The following USP2 variants were observed in gnomAD, a reference collection of about 807,000 sequenced individuals.
USP2 encodes the protein ubiquitin carboxyl-terminal hydrolase 2.
A neutral mutation model predicts 72.0 loss-of-function variants in USP2; 33 were observed. The observed-to-expected ratio is 0.46, with a 90% CI of 0.35 to 0.61. USP2 has a LOEUF of 0.61. Ranked by LOEUF, USP2 falls within the 20% of genes least tolerant of loss-of-function variation. The probability of loss-of-function intolerance (pLI) is 0.01; values close to 1 mark genes in which losing one functional copy is unlikely to be tolerated. For missense variants in USP2, 691 were observed against 797.8 expected (o/e 0.87, Z 1.61); for synonymous variants, 296 against 312.5 (o/e 0.95, Z 0.56).
chr11:119,364,292 C>T (rs190636426), intron 2 of USP2: 11,124 of 651,942 alleles, frequency 0.017, 123 homozygotes, highest in Non-Finnish European at 0.019. Flanking sequence ...CTCGCCTCTA[C>T]CCCGCCCCCG....
chr11:119,380,087 T>C (rs1195008801), intron 1 of USP2, among the ~76,000 whole-genome samples: 3 of 151,798 alleles, frequency 2.0e-5, no homozygotes, highest in Non-Finnish European at 4.4e-5. Context: ...GCTAATTTTT[T>C]TGTAATTTTA....
intron 2 of USP2, chr11:119,363,851 T>C: frequency 7.8e-7 from 1 of 1,287,320 alleles, no homozygotes. Flanking sequence ...CCGCGTACCT[T>C]GGCTTTGTTG....
rs182219147 is a variant in USP2, at chr11:119,379,550, A to C, written c.-42+1923T>G. Among the ~76,000 whole-genome samples the C allele has an allele frequency of 3.0e-3, 462 of 152,334 alleles. 10 individuals carry two copies. The highest frequency in any genetic ancestry group is 0.027 in the Admixed American group (415 of 15,306). ...CATGTGCAGATAGCGAGAAGCAGAAAGGGGACTAGTACTCAGGTTTCAGTC... is the reference window on the plus strand; with the variant it reads ...CATGTGCAGATAGCGAGAAGCAGAACGGGGACTAGTACTCAGGTTTCAGTC... On this transcript the variant is annotated intron_variant, in intron 1 of 12. Coordinates refer to ENST00000260187, the MANE Select transcript of USP2 (RefSeq NM_004205.5).
intron 2 of USP2, among the ~76,000 whole-genome samples, chr11:119,368,496 C>T (rs757371433): frequency 1.1e-4 from 17 of 152,358 alleles, no homozygotes; most frequent in Middle Eastern, 3.4e-3. Context: ...CATTCAAGTC[C>T]AAAGTCCCAC....
chr11:119,373,343 C>T lies in USP2; in HGVS notation c.138G>A (p.Lys46=). ...GGACCGGCTTGAAACCAAGTTTCTCCTTCTCCAGTAAGGAGGCAGCCAGAT... is the reference window on the plus strand; with the variant it reads ...GGACCGGCTTGAAACCAAGTTTCTCTTTCTCCAGTAAGGAGGCAGCCAGAT... ...GANLAASLLE[K]EKLGFKPVPT... The change falls in exon 2 of 13, where the codon AAG becomes AAA. Residue 46 remains lysine (K), a synonymous_variant. Coordinates refer to ENST00000260187, the MANE Select transcript of USP2 (RefSeq NM_004205.5). 8.1e-6 allele frequency: 13 copies of T among 1,613,002 alleles called. No individual in the cohort carries two copies. Among genetic ancestry groups the T allele is most frequent in the Non-Finnish European group, 1.1e-5 (13 of 1,179,904 alleles).
chr11:119,359,038 G>C lies in USP2; in HGVS notation c.1158C>G (p.Asn386Lys). The C allele has an allele frequency of 6.2e-7, 1 of 1,614,024 alleles. No homozygotes were observed. Among genetic ancestry groups the C allele is most frequent in the Non-Finnish European group, 8.5e-7 (1 of 1,180,026 alleles). The change falls in exon 6 of 13, where the codon AAC (asparagine) becomes AAG (lysine). Residue 386 changes from asparagine (N) to lysine (K), a missense_variant. Asn to Lys is a moderately conservative substitution (Grantham distance 94). Coordinates refer to ENST00000260187, the MANE Select transcript of USP2 (RefSeq NM_004205.5). ...CTCTTACTTACGGAAGATGATCGAG[G>C]TTCTCAGGGTTGGACTTAGGTCTCA... ...VTLRPKSNPE[N>K]LDHLPDDEKG...
chr11:119,363,797 A>G (rs971665789), intron 2 of USP2: 14 of 1,327,644 alleles, frequency 1.1e-5, no homozygotes, highest in Non-Finnish European at 1.3e-5. Context: ...GCCAGGGAGA[A>G]GGCGGGACCC....
At chr11:119,368,553 C>T (rs1950885309) in intron 2 of USP2, among the ~76,000 whole-genome samples, 2 of 152,254 alleles carry the variant, frequency 1.3e-5, no homozygotes, top group African/African-American at 4.8e-5. Context: ...CTCCCTGTCA[C>T]TGAACAGCTG....
At chr11:119,356,953 C>A in intron 12 of USP2, 31 bp from the exon 13 acceptor site, 1 of 1,547,518 alleles carries the variant, frequency 6.5e-7, no homozygotes, top group Non-Finnish European at 8.7e-7. Flanking sequence ...CAGCCCGGAG[C>A]GGGCAGGACC....
Position 119,359,300 on chromosome 11 carries a change from T to C in USP2, c.992A>G (p.Asn331Ser), listed in dbSNP as rs762237192. The C allele has an allele frequency of 1.8e-5, 29 of 1,613,870 alleles. No homozygotes were observed. Among genetic ancestry groups the C allele is most frequent in the Middle Eastern group, 1.6e-4 (1 of 6,084 alleles). Reference sequence around the variant, plus strand: ...GAACTCAGATGGGCTCACCACATCATTGGGGGATGAAGTCCATATGGTCTG... The same window carrying C: ...GAACTCAGATGGGCTCACCACATCACTGGGGGATGAAGTCCATATGGTCTG... ...LIQTIWTSSP[N>S]DVVSPSEFKT... Residue 331 changes from asparagine (N) to serine (S), a missense_variant, in exon 5 of 13, where the codon AAT (asparagine) becomes AGT (serine). Physicochemically the swap from Asn to Ser is conservative, Grantham distance 46. Transcript: ENST00000260187.
chr11:119,358,866 G>C (rs1472538035), intron 6 of USP2, 29 bp from the exon 7 acceptor site: 1 of 1,613,112 alleles, frequency 6.2e-7, no homozygotes, highest in African/African-American at 1.3e-5. Context: ...CAACAATTGG[G>C]TCAAAGCTCA....
chr11:119,371,418 C>T (rs1208526522), intron 2 of USP2, among the ~76,000 whole-genome samples: 1 of 152,164 alleles, frequency 6.6e-6, no homozygotes, highest in Non-Finnish European at 1.5e-5. Flanking sequence ...TGACACATCT[C>T]TCTTCTCCAC....
chr11:119,370,115 T>C (rs587726), intron 2 of USP2, among the ~76,000 whole-genome samples: 136,807 of 152,112 alleles, frequency 0.9, 61,615 homozygotes, highest in East Asian at 0.95. Context: ...GTGGAGGTTG[T>C]AGTGAGCCGA....
intron 2 of USP2, among the ~76,000 whole-genome samples, chr11:119,363,627 G>A (rs1345228298): frequency 1.3e-5 from 2 of 152,020 alleles, no homozygotes; most frequent in Admixed American, 6.5e-5. Context: ...AGAGGGAGGG[G>A]GCAAGGGGGA....
chr11:119,374,650 G>A (rs1950977185), intron 1 of USP2, among the ~76,000 whole-genome samples: 1 of 152,160 alleles, frequency 6.6e-6, no homozygotes, highest in South Asian at 2.1e-4. Flanking sequence ...ACCCCCAGAG[G>A]CCTTCCATCA....
intron 2 of USP2, among the ~76,000 whole-genome samples, chr11:119,362,117 A>T (rs1565306390): frequency 6.6e-6 from 1 of 152,148 alleles, no homozygotes; most frequent in Non-Finnish European, 1.5e-5. Flanking sequence ...GCTGTAGGGG[A>T]AAGCATTCTA....
In USP2 at chr11:119,364,011, G is replaced by A. The variant is rs1950810290; in HGVS notation, c.775-3777C>T. ...AGGTGCGCATGCTGGGGGGCGGGCGGCGGGCTTTGGCCCTCGCTTAACGTT... is the reference window on the plus strand; with the variant it reads ...AGGTGCGCATGCTGGGGGGCGGGCGACGGGCTTTGGCCCTCGCTTAACGTT... On this transcript the variant is annotated intron_variant, in intron 2 of 12. Transcript: ENST00000260187. 2.4e-6 allele frequency: 3 copies of A among 1,229,630 alleles called. No individual in the cohort carries two copies. The African/African-American group carries it at 4.8e-5, about 20-fold the overall frequency. 76.2% of individuals were successfully genotyped at this position (1,229,630 alleles called of 1,614,324 possible).
intron 1 of USP2, chr11:119,379,108 G>A (rs1644818285): frequency 1.0e-6 from 1 of 985,366 alleles, no homozygotes; most frequent in African/African-American, 1.7e-5. Flanking sequence ...CTCTGGGCTG[G>A]GTAATCCGGA....
Position 119,377,773 on chromosome 11 carries a change from C to T in USP2, c.-42+3700G>A, listed in dbSNP as rs79033711. On this transcript the variant is annotated intron_variant, in intron 1 of 12. Coordinates refer to ENST00000260187, the MANE Select transcript of USP2 (RefSeq NM_004205.5). ...CCCTTTGCTTCAGCCACTGTCATTT[C>T]CTGTTGCTCACATGAAGGGCTCCCT... Among the ~76,000 whole-genome samples, 561 of 152,296 alleles carry T rather than the reference C, an allele frequency of 3.7e-3. 3 individuals carry two copies. Among genetic ancestry groups the T allele is most frequent in the Non-Finnish European group, 6.3e-3 (429 of 68,026 alleles).
Sources: allele counts gnomAD v4.1 joint callset (sites outside exome capture counted in the v4.1 genomes callset), GRCh38; gene constraint gnomAD v4.1.1; transcripts MANE v1.5; gene names NCBI Gene and HGNC (gene_info 2026-07-23, HGNC 2026-07-21).